Variants in ADRM1 observed in about 807,000 individuals in gnomAD.
ADRM1 encodes proteasomal ubiquitin receptor ADRM1.
In ADRM1, 2 loss-of-function variants were observed where a neutral mutation model predicts 40.1. The observed-to-expected ratio is 0.05, with a 90% CI of 0.02 to 0.16. The LOEUF (loss-of-function observed/expected upper bound fraction) is 0.16, where lower values mean the gene tolerates loss of function less well. ADRM1 is among the 10% of genes least tolerant of loss of function. The pLI, the probability that ADRM1 is intolerant of heterozygous loss-of-function variation, is 1.00. For missense variants in ADRM1, 467 were observed against 552.5 expected (o/e 0.85, Z 1.55); for synonymous variants, 287 against 240.4 (o/e 1.19, Z -1.79).
intron 3 of ADRM1, chr20:62,305,988 G>A (rs1209133951): frequency 1.7e-6 from 1 of 598,860 alleles, no homozygotes; most frequent in East Asian, 3.0e-5. Flanking sequence ...GCGGCGGATG[G>A]GGACAGGGCG....
rs1019733163 is a variant in ADRM1, at chr20:62,306,516, CTCACT to C, written c.455-128_455-124del. 3.1e-6 allele frequency: 4 copies of C among 1,290,508 alleles called. No individual in the cohort carries two copies. The African/African-American group carries it at 5.9e-5, about 19-fold the overall frequency. 79.9% of individuals were successfully genotyped at this position (1,290,508 alleles called of 1,614,324 possible). On this transcript the variant is annotated intron_variant, in intron 4 of 9. Transcript: ENST00000253003. Reference sequence around the variant, plus strand: ...GGACGGGTCTGCATCCCACCGTCGCCTCACTTCAAGTGGTGCCCCCTGTAGGGTTC... The same window carrying C: ...GGACGGGTCTGCATCCCACCGTCGCCTCAAGTGGTGCCCCCTGTAGGGTTC...
chr20:62,307,928 G>A, intron 7 of ADRM1, 93 bp from the exon 8 acceptor site: 2 of 1,549,028 alleles, frequency 1.3e-6, no homozygotes, highest in Non-Finnish European at 1.7e-6. Flanking sequence ...CGCGCCTGGG[G>A]TGCTGGGGCC....
intron 1 of ADRM1, chr20:62,303,341 G>A (rs555883474): frequency 1.8e-5 from 8 of 451,432 alleles, no homozygotes; most frequent in Non-Finnish European, 2.8e-5. Context: ...TCAAGCCTAG[G>A]GCCGGCCCCA....
intron 1 of ADRM1, 146 bp from the exon 2 acceptor site, chr20:62,303,422 G>T: frequency 1.2e-6 from 1 of 805,642 alleles, no homozygotes; most frequent in Non-Finnish European, 1.9e-6. Context: ...CGGGGCAAAC[G>T]CGGAAAGGCA....
intron 1 of ADRM1, 124 bp from the exon 2 acceptor site, chr20:62,303,444 C>T (rs1192255171): frequency 5.0e-5 from 49 of 973,800 alleles, no homozygotes; most frequent in Non-Finnish European, 7.3e-5. Flanking sequence ...CCCGGCGTGT[C>T]TGAGTCTGCC....
intron 2 of ADRM1, chr20:62,304,102 T>A: frequency 2.0e-6 from 1 of 499,004 alleles, no homozygotes. Flanking sequence ...GCTCTGTGCC[T>A]GGCGGCTTCA....
intron 3 of ADRM1, chr20:62,305,438 C>G (rs900351155): frequency 3.3e-5 from 5 of 152,246 alleles, no homozygotes; most frequent in African/African-American, 1.2e-4. Context: ...TAGCCAAACT[C>G]CAGTTAAACT....
rs1350583901 is a variant in ADRM1 at position 62,307,655 on chromosome 20, C to T, written c.683C>T (p.Thr228Ile). Residue 228 changes from threonine (T) to isoleucine (I), a missense_variant, in exon 7 of 10, where the codon ACC (threonine) becomes ATC (isoleucine). Physicochemically the swap from Thr to Ile is moderately conservative, Grantham distance 89. Transcript: ENST00000253003. ...PSSTTSSTRATPAPSAPAAAS... is the reference protein window; with the variant it reads ...PSSTTSSTRAIPAPSAPAAAS... The stretch of plus-strand genomic sequence containing the variant: ...TCCACCACCTCTTCCACCCGTGCCA[C>T]CCCAGCCCCTTCTGCTCCAGCAGCT... The T allele has an allele frequency of 1.2e-6, 2 of 1,612,232 alleles. No individual in the cohort carries two copies. Among genetic ancestry groups the T allele is most frequent in the Non-Finnish European group, 8.5e-7 (1 of 1,179,912 alleles).
chr20:62,307,507 G>T, intron 6 of ADRM1, 55 bp downstream of exon 6: 1 of 1,599,508 alleles, frequency 6.3e-7, no homozygotes, highest in East Asian at 2.2e-5. Flanking sequence ...GAGGGGCAGT[G>T]GGGAATCCTG....
Position 62,308,093 on chromosome 20 carries a change from TG to T in ADRM1, c.930del (p.Leu311PhefsTer21). 1 of 1,611,622 alleles carries T rather than the reference TG, an allele frequency of 6.2e-7. No homozygotes were observed. Among genetic ancestry groups the T allele is most frequent in the Non-Finnish European group, 8.5e-7 (1 of 1,179,820 alleles). ...GCCAACGCGGATGTCCAGGAGCGCC[TG>T]CTTCCCTACTTGCCATCTGGGGAGT... Reference protein sequence around the residue: ...ILANADVQERLLPYLPSGESL... With the variant: ...ILANADVQERXLPYLPSGESL... On this transcript the variant is annotated frameshift_variant, in exon 8 of 10. Coordinates refer to ENST00000253003, the MANE Select transcript of ADRM1 (RefSeq NM_007002.4). LOFTEE classifies it high-confidence loss of function.
intron 3 of ADRM1, 54 bp downstream of exon 3, chr20:62,304,631 G>C: frequency 6.4e-7 from 1 of 1,556,692 alleles, no homozygotes; most frequent in Non-Finnish European, 8.9e-7. Flanking sequence ...ATTCGGTTAG[G>C]AACTTGCTTA....
chr20:62,304,267 C>T (rs1040359798), intron 2 of ADRM1, 194 bp from the exon 3 acceptor site: 6 of 580,402 alleles, frequency 1.0e-5, no homozygotes, highest in Non-Finnish European at 1.5e-5. Flanking sequence ...CTCTCTCCCC[C>T]GGCCTTGCCT....
At chr20:62,303,314 G>A in intron 1 of ADRM1, 1 of 338,896 alleles carries the variant, frequency 3.0e-6, no homozygotes. Context: ...CGAGGCTGGT[G>A]CCCCGCGGAG....
At position 62,303,694 on chromosome 20, in the gene ADRM1, G is replaced by A. The variant is rs772282638; in HGVS notation, c.126G>A (p.Lys42=). The A allele has an allele frequency of 1.2e-6, 2 of 1,612,524 alleles. No individual in the cohort carries two copies. The highest frequency in any genetic ancestry group is 1.7e-5 in the Admixed American group (1 of 60,032). The change falls in exon 2 of 10, where the codon AAG becomes AAA. Residue 42 remains lysine, a synonymous_variant. Transcript: ENST00000253003. ...AGGGGACCACCGTGACTCCGGATAA[G>A]CGGAAAGGGCTGGTGTACATTCAGC... is the stretch of plus-strand genomic sequence containing the variant. ...SLKGTTVTPD[K]RKGLVYIQQT...
At position 62,304,453 on chromosome 20, in the gene ADRM1, C is replaced by T. The variant is rs775235440; in HGVS notation, c.214-8C>T. 8 of 1,611,552 alleles carry T rather than the reference C, an allele frequency of 5.0e-6. No individual in the cohort carries two copies. Among genetic ancestry groups the T allele is most frequent in the Non-Finnish European group, 6.8e-6 (8 of 1,178,228 alleles). Reference sequence around the variant, plus strand: ...CGCCACTGACTCTCTCTTCCCCTGGCTTGCCAGGACTTGATCATCTTCCCT... The same window carrying T: ...CGCCACTGACTCTCTCTTCCCCTGGTTTGCCAGGACTTGATCATCTTCCCT... On this transcript the variant is annotated splice_polypyrimidine_tract_variant and splice_region_variant and intron_variant, in intron 2 of 9. Coordinates refer to ENST00000253003, the MANE Select transcript of ADRM1 (RefSeq NM_007002.4).
Position 62,308,585 on chromosome 20 carries a change from G to GAA in ADRM1, c.1118-69_1118-68insAA, listed in dbSNP as rs1985534095. 3 of 1,588,294 alleles carry GAA rather than the reference G, an allele frequency of 1.9e-6. No individual in the cohort carries two copies. In the East Asian group the frequency reaches 6.8e-5, roughly 36 times the overall value. On this transcript the variant is annotated intron_variant, in intron 9 of 9. Coordinates refer to ENST00000253003, the MANE Select transcript of ADRM1 (RefSeq NM_007002.4). Reference sequence around the variant, plus strand: ...TAAAGGTCACAGCCCTTCTGCCCTTGATCCCATCGCTTTGATCCCCAGTTC... The same window carrying GAA: ...TAAAGGTCACAGCCCTTCTGCCCTTGAAATCCCATCGCTTTGATCCCCAGTTC...
rs961862518 is a variant in ADRM1, at chr20:62,305,979, C to A, written c.331-218C>A. 5 of 570,790 alleles carry A rather than the reference C, an allele frequency of 8.8e-6. No homozygotes were observed. The East Asian group carries it at 1.5e-4, about 18-fold the overall frequency. The allele number at this position is 570,790 out of a possible 1,614,324, so 35.4% of individuals were successfully genotyped here. A position where few individuals can be genotyped will look rare whatever the true frequency, so the allele number is the denominator to read the frequency against. On this transcript the variant is annotated intron_variant, in intron 3 of 9. Coordinates refer to ENST00000253003, the MANE Select transcript of ADRM1 (RefSeq NM_007002.4). ...GGGGGACAGGGCACACCCGGGATTG[C>A]GGCGGATGGGGACAGGGCGCAGAGC... is the stretch of plus-strand genomic sequence containing the variant.
intron 3 of ADRM1, 164 bp from the exon 4 acceptor site, chr20:62,306,033 C>T: frequency 1.1e-6 from 1 of 879,418 alleles, no homozygotes; most frequent in South Asian, 1.8e-5. Flanking sequence ...CACTGCCGTC[C>T]CCTCACCTGC....
At chr20:62,304,615 C>A in intron 3 of ADRM1, 38 bp downstream of exon 3, 1 of 1,589,916 alleles carries the variant, frequency 6.3e-7, no homozygotes, top group South Asian at 1.1e-5. Context: ...TTTTTGTTGC[C>A]CTGCGATTCG....
Sources: allele counts gnomAD v4.1 joint callset, GRCh38; gene constraint gnomAD v4.1.1; transcripts MANE v1.5; gene names NCBI Gene and HGNC (gene_info 2026-07-23, HGNC 2026-07-21).